Variants in AMBRA1 observed in about 807,000 individuals in gnomAD.
AMBRA1 encodes the protein autophagy and beclin 1 regulator 1.
Under a neutral mutation model 125.4 loss-of-function variants are expected in AMBRA1, and 47 were observed. The ratio of observed to expected loss-of-function variants is 0.37; its 90% CI spans 0.30 to 0.48. AMBRA1 has a LOEUF of 0.48. AMBRA1 is among the 20% of genes least tolerant of loss of function. The pLI is 0.99. For synonymous variants in AMBRA1, 626 were observed against 655.5 expected (o/e 0.95, Z 0.69); for missense variants, 1,331 against 1,693.4 (o/e 0.79, Z 3.76).
chr11:46,541,720 G>C (rs984886239), intron 7 of AMBRA1, among the ~76,000 whole-genome samples: 2 of 152,164 alleles, frequency 1.3e-5, no homozygotes, highest in Non-Finnish European at 2.9e-5. Context: ...CCAGAACCTT[G>C]AGCTTAGCCG....
intron 11 of AMBRA1, among the ~76,000 whole-genome samples, chr11:46,490,024 CT>C (rs1379469957): frequency 6.6e-6 from 1 of 152,144 alleles, no homozygotes; most frequent in African/African-American, 2.4e-5. Flanking sequence ...TACCACCTAC[CT>C]CACAGGGTTG....
intron 1 of AMBRA1, among the ~76,000 whole-genome samples, chr11:46,563,075 G>A (rs761633378): frequency 1.3e-5 from 2 of 152,100 alleles, no homozygotes; most frequent in Non-Finnish European, 2.9e-5. Flanking sequence ...TGAAACTACC[G>A]TGCCTGGCCT....
At chr11:46,412,037 C>T (rs560867762) in intron 15 of AMBRA1, among the ~76,000 whole-genome samples, 107 of 152,216 alleles carry the variant, frequency 7.0e-4, no homozygotes, top group African/African-American at 2.4e-3. Flanking sequence ...CTTTTCACTG[C>T]GCTGTAGTAA....
chr11:46,463,626 G>A (rs1223836567), intron 11 of AMBRA1, among the ~76,000 whole-genome samples: 1 of 152,138 alleles, frequency 6.6e-6, no homozygotes, highest in Non-Finnish European at 1.5e-5. Context: ...AGTATCTTTG[G>A]CTTTGAGAAG....
At chr11:46,537,263 T>G (rs549083022) in intron 7 of AMBRA1, among the ~76,000 whole-genome samples, 101 of 152,154 alleles carry the variant, frequency 6.6e-4, no homozygotes, top group Non-Finnish European at 1.4e-3. Context: ...GCAACAGAGG[T>G]TTTGACAAAG....
chr11:46,473,483 C>T (rs1288624695), intron 11 of AMBRA1, among the ~76,000 whole-genome samples: 1 of 152,178 alleles, frequency 6.6e-6, no homozygotes, highest in African/African-American at 2.4e-5. Context: ...GGATAAAGCC[C>T]TAACATAAAA....
At chr11:46,587,000 GTA>G (rs1285281642) in intron 1 of AMBRA1, among the ~76,000 whole-genome samples, 1 of 151,986 alleles carries the variant, frequency 6.6e-6, no homozygotes, top group Admixed American at 6.6e-5. Flanking sequence ...TATACTATAG[GTA>G]TATATACCTG....
At chr11:46,561,358 G>A (rs2043331467) in intron 1 of AMBRA1, among the ~76,000 whole-genome samples, 1 of 150,502 alleles carries the variant, frequency 6.6e-6, no homozygotes, top group Non-Finnish European at 1.5e-5. Flanking sequence ...TCCAGCCTAG[G>A]TAACAAAGTG....
chr11:46,473,397 G>A (rs1312054130), intron 11 of AMBRA1, among the ~76,000 whole-genome samples: 1 of 152,250 alleles, frequency 6.6e-6, no homozygotes, highest in Non-Finnish European at 1.5e-5. Context: ...GTGACACAGA[G>A]AAAAGTAGAG....
At chr11:46,524,364 C>A (rs1951880095) in intron 7 of AMBRA1, among the ~76,000 whole-genome samples, 1 of 152,198 alleles carries the variant, frequency 6.6e-6, no homozygotes. Flanking sequence ...AAACATCCTA[C>A]AATGCACAGG....
At chr11:46,567,153 C>G (rs182060323) in intron 1 of AMBRA1, among the ~76,000 whole-genome samples, 1 of 151,990 alleles carries the variant, frequency 6.6e-6, no homozygotes, top group East Asian at 1.9e-4. Flanking sequence ...CTTACTGCAG[C>G]CTCCGCTTTC....
At chr11:46,556,954 T>C (rs913399781) in intron 1 of AMBRA1, among the ~76,000 whole-genome samples, 2 of 151,920 alleles carry the variant, frequency 1.3e-5, no homozygotes, top group African/African-American at 4.8e-5. Flanking sequence ...CTGACCAACA[T>C]GGAGAAACCC....
chr11:46,564,264 G>T (rs1294528271), intron 1 of AMBRA1, among the ~76,000 whole-genome samples: 1 of 145,056 alleles, frequency 6.9e-6, no homozygotes, highest in African/African-American at 2.5e-5. Context: ...AATTACATAT[G>T]AACTGATAAA....
At chr11:46,568,088 C>T (rs2135262972) in intron 1 of AMBRA1, among the ~76,000 whole-genome samples, 1 of 152,134 alleles carries the variant, frequency 6.6e-6, no homozygotes, top group East Asian at 1.9e-4. Flanking sequence ...GTGGAGGTTG[C>T]AGTAAGCTGA....
chr11:46,533,085 C>A (rs1190392472), intron 7 of AMBRA1, among the ~76,000 whole-genome samples: 1 of 152,028 alleles, frequency 6.6e-6, no homozygotes, highest in East Asian at 1.9e-4. Context: ...ATCGCTTGAG[C>A]CCCAGAGGTG....
At chr11:46,573,442 A>G (rs907963401) in intron 1 of AMBRA1, among the ~76,000 whole-genome samples, 1 of 151,616 alleles carries the variant, frequency 6.6e-6, no homozygotes, top group Non-Finnish European at 1.5e-5. Flanking sequence ...CAGTCCATGC[A>G]TTTTTCCTGC....
intron 9 of AMBRA1, among the ~76,000 whole-genome samples, chr11:46,500,283 A>AT (rs1004599340): frequency 8.0e-5 from 12 of 149,458 alleles, no homozygotes; most frequent in Non-Finnish European, 1.2e-4. Flanking sequence ...AGGACTTAGC[A>AT]TTTTTTTTTT....
chr11:46,443,289 A>C (rs1948108720), intron 12 of AMBRA1, among the ~76,000 whole-genome samples, 199 bp downstream of exon 12: 1 of 152,226 alleles, frequency 6.6e-6, no homozygotes, highest in African/African-American at 2.4e-5. Flanking sequence ...TCCAGATCTT[A>C]ATAGACTTAA....
At chr11:46,490,646 C>T (rs1180840145) in intron 11 of AMBRA1, among the ~76,000 whole-genome samples, 2 of 152,172 alleles carry the variant, frequency 1.3e-5, no homozygotes, top group Admixed American at 6.5e-5. Flanking sequence ...TGTGTGTCTG[C>T]TTTGTCCCTC....
Sources: gnomAD v4.1 joint callset for allele counts (sites outside exome capture counted in the v4.1 genomes callset) on GRCh38, gnomAD v4.1.1 for gene constraint, MANE v1.5 for transcripts, NCBI Gene and HGNC (gene_info 2026-07-23, HGNC 2026-07-21) for gene names.